The following ACTN2 variants were observed in gnomAD, a reference collection of about 807,000 sequenced individuals.
ACTN2 encodes the protein actinin alpha 2, also known as alpha-actinin-2.
A neutral mutation model predicts 113.8 loss-of-function variants in ACTN2; 39 were observed. The ratio of observed to expected loss-of-function variants is 0.34; its 90% confidence interval spans 0.27 to 0.45. The LOEUF (loss-of-function observed/expected upper bound fraction) is 0.45, where lower values mean the gene tolerates loss of function less well. Ranked by LOEUF, ACTN2 falls within the 20% of genes least tolerant of loss-of-function variation. ACTN2 has a pLI of 1.00. For synonymous variants in ACTN2, 429 were observed against 444.1 expected (o/e 0.97, Z 0.43); for missense variants, 992 against 1,177.9 (o/e 0.84, Z 2.31).
At chr1:236,721,421 G>A (rs1273238630) in intron 4 of ACTN2, among the ~76,000 whole-genome samples, 1 of 151,968 alleles carries the variant, frequency 6.6e-6, no homozygotes, top group African/African-American at 2.4e-5. Flanking sequence ...TTGCCCTTAT[G>A]GACCTTCAAA....
chr1:236,724,413 AT>A (rs1397094609), intron 4 of ACTN2, among the ~76,000 whole-genome samples: 2 of 152,256 alleles, frequency 1.3e-5, no homozygotes, highest in South Asian at 4.1e-4. Flanking sequence ...AGTGCAGGAG[AT>A]TTTTTGGGGA....
At chr1:236,715,291 A>G (rs1233762797) in intron 1 of ACTN2, among the ~76,000 whole-genome samples, 4 of 136,586 alleles carry the variant, frequency 2.9e-5, no homozygotes, top group Non-Finnish European at 4.6e-5. Flanking sequence ...ATCTCTCCTA[A>G]TCCTATCCCT....
chr1:236,739,375 A>C lies in ACTN2; in HGVS notation c.950A>C (p.Gln317Pro). The part of the protein sequence containing the change: ...RTPEKTMQAM[Q>P]KKLEDFRDYR... The stretch of plus-strand genomic sequence containing the variant: ...CCCGAGAAGACCATGCAAGCCATGC[A>C]GAAGAAGCTGGAGGACTTCCGGGAT... Residue 317 changes from glutamine to proline, a missense_variant, in exon 10 of 21, where the codon CAG becomes CCG. By Grantham distance (76) the Gln-to-Pro change is moderately conservative. Around this residue, in one of 3 missense-constraint regions of ACTN2, gnomAD observed 736 missense variants for 815.4 expected, o/e 0.90. Coordinates refer to ENST00000366578, the MANE Select transcript of ACTN2 (RefSeq NM_001103.4). The C allele has an allele frequency of 1.2e-6, 2 of 1,614,140 alleles. No individual in the cohort carries two copies. Among genetic ancestry groups the C allele is most frequent in the Non-Finnish European group, 1.7e-6 (2 of 1,180,032 alleles).
intron 4 of ACTN2, among the ~76,000 whole-genome samples, chr1:236,720,455 T>C (rs1374446821): frequency 6.6e-6 from 1 of 152,222 alleles, no homozygotes. Flanking sequence ...TTGAGCTTCT[T>C]GATTGCTTAT....
intron 1 of ACTN2, among the ~76,000 whole-genome samples, chr1:236,706,111 C>G (rs1200264224): frequency 2.0e-5 from 3 of 147,652 alleles, no homozygotes; most frequent in African/African-American, 7.5e-5. Context: ...AAGGTATTTT[C>G]TTTTTTTTTT....
At chr1:236,746,165 C>CAAAAAAAAAAAAAAAA (rs55953102) in intron 12 of ACTN2, among the ~76,000 whole-genome samples, 2 of 80,406 alleles carry the variant, frequency 2.5e-5, no homozygotes, top group Admixed American at 1.5e-4. Context: ...GACTCCATCT[C>CAAAAAAAAAAAAAAAA]AAAAAAAAAA....
At chr1:236,689,813 C>T (rs79542980) in intron 1 of ACTN2, among the ~76,000 whole-genome samples, 5,782 of 152,250 alleles carry the variant, frequency 0.038, 362 homozygotes, top group African/African-American at 0.13. Context: ...TAGAAGTAAA[C>T]ATCTCCTGGA....
rs869111839 is a variant in ACTN2, at chr1:236,707,681, CTTTCT to C, written c.127-10158_127-10154del. Among the ~76,000 whole-genome samples, 173 of 114,814 alleles carry C rather than the reference CTTTCT, an allele frequency of 1.5e-3. 1 individual carries two copies. Among genetic ancestry groups the C allele is most frequent in the African/African-American group, 4.4e-3 (155 of 35,342 alleles). The allele number at this position is 114,814 out of a possible 152,430, so 75.3% of individuals were successfully genotyped here. Reference sequence around the variant, plus strand: ...GTGCTTTTCTTTTCTTTTTTCTTTTCTTTCTTTTCTTTTCTTTTCTTTTTTTTCTT... The same window carrying C: ...GTGCTTTTCTTTTCTTTTTTCTTTTCTTTCTTTTCTTTTCTTTTTTTTCTT... On this transcript the variant is annotated intron_variant, in intron 1 of 20. Coordinates refer to ENST00000366578, the MANE Select transcript of ACTN2 (RefSeq NM_001103.4).
At chr1:236,686,858 C>T in intron 1 of ACTN2, 59 bp downstream of exon 1, 1 of 1,314,308 alleles carries the variant, frequency 7.6e-7, no homozygotes, top group Non-Finnish European at 9.7e-7. Flanking sequence ...CGCGGGGCTC[C>T]CGTGCGCGTG....
intron 15 of ACTN2, among the ~76,000 whole-genome samples, chr1:236,752,698 C>T (rs1028351011): frequency 6.6e-6 from 1 of 151,874 alleles, no homozygotes; most frequent in Non-Finnish European, 1.5e-5. Flanking sequence ...ATTACAGGTG[C>T]CCGCCACCAC....
In ACTN2 at chr1:236,686,627, C is replaced by A; in HGVS notation, c.-47C>A. The A allele has an allele frequency of 6.6e-7, 1 of 1,517,256 alleles. No homozygotes were observed. The highest frequency in any genetic ancestry group is 8.8e-7 in the Non-Finnish European group (1 of 1,131,356). The allele number at this position is 1,517,256 out of a possible 1,614,324, so 94.0% of individuals were successfully genotyped here. A position where few individuals can be genotyped will look rare whatever the true frequency, so the allele number is the denominator to read the frequency against. ...GGGTCCGTTTGCCAGTCAGCCCGTG[C>A]GTCCGAGCCCCTCGCGCCCCGCCGC... On this transcript the variant is annotated 5_prime_UTR_variant, in exon 1 of 21. Coordinates refer to ENST00000366578, the MANE Select transcript of ACTN2 (RefSeq NM_001103.4).
At chr1:236,715,491 A>G (rs965153413) in intron 1 of ACTN2, among the ~76,000 whole-genome samples, 4 of 152,064 alleles carry the variant, frequency 2.6e-5, no homozygotes, top group Non-Finnish European at 5.9e-5. Context: ...GATGATAGGA[A>G]TGTTGTATAT....
Position 236,686,862 on chromosome 1 carries a change from G to GCGCGTGGC in ACTN2, c.126+73_126+80dup, listed in dbSNP as rs1013608004. 1.1e-5 allele frequency: 14 copies of GCGCGTGGC among 1,307,438 alleles called. No homozygotes were observed. In the South Asian group the frequency reaches 1.7e-4, roughly 16 times the overall value. 81.0% of individuals were successfully genotyped at this position (1,307,438 alleles called of 1,614,324 possible). ...GCCGGGTCCCCCGCGGGGCTCCCGTGCGCGTGGCCGCGTGGCCTGGCGACT... is the reference window on the plus strand; with the variant it reads ...GCCGGGTCCCCCGCGGGGCTCCCGTGCGCGTGGCCGCGTGGCCGCGTGGCCTGGCGACT... On this transcript the variant is annotated intron_variant, in intron 1 of 20. Transcript: ENST00000366578.
At chr1:236,740,595 C>T (rs971576432) in intron 10 of ACTN2, among the ~76,000 whole-genome samples, 6 of 150,186 alleles carry the variant, frequency 4.0e-5, no homozygotes, top group Non-Finnish European at 8.9e-5. Context: ...TGCAGTGGCA[C>T]GATCTCGGCT....
chr1:236,699,564 T>C (rs1218537550), intron 1 of ACTN2, among the ~76,000 whole-genome samples: 1 of 152,104 alleles, frequency 6.6e-6, no homozygotes, highest in African/African-American at 2.4e-5. Context: ...CTGAGTCAAC[T>C]CCCTTTTGGA....
intron 1 of ACTN2, among the ~76,000 whole-genome samples, chr1:236,706,212 TTGAGCAGATACA>T (rs997239907): frequency 6.6e-6 from 1 of 152,146 alleles, no homozygotes; most frequent in Non-Finnish European, 1.5e-5. Flanking sequence ...AACCTGGAAC[TTGAGCAGATACA>T]CATTTTTAGC....
chr1:236,715,886 G>A (rs1302297315), intron 1 of ACTN2, among the ~76,000 whole-genome samples: 1 of 152,188 alleles, frequency 6.6e-6, no homozygotes, highest in Non-Finnish European at 1.5e-5. Context: ...AACTCGGGAG[G>A]CGGAGATTGC....
intron 1 of ACTN2, among the ~76,000 whole-genome samples, chr1:236,715,345 A>G (rs1389084483): frequency 7.6e-6 from 1 of 130,916 alleles, no homozygotes; most frequent in African/African-American, 2.9e-5. Flanking sequence ...TTTATACCAA[A>G]GAAACCTATT....
Position 236,727,472 on chromosome 1 carries a change from A to G in ACTN2, c.537-206A>G, listed in dbSNP as rs192704409. On this transcript the variant is annotated intron_variant, in intron 5 of 20. Coordinates refer to ENST00000366578, the MANE Select transcript of ACTN2 (RefSeq NM_001103.4). Reference sequence around the variant, plus strand: ...GCAGGAGACAGGGCAAGTCTCAGGCAAGGAAGTCAAAAGGAGAGGAGTACC... The same window carrying G: ...GCAGGAGACAGGGCAAGTCTCAGGCGAGGAAGTCAAAAGGAGAGGAGTACC... Among the ~76,000 whole-genome samples, 3 of 152,204 alleles carry G rather than the reference A, an allele frequency of 2.0e-5. No homozygotes were observed. In the East Asian group the frequency reaches 5.8e-4, roughly 29 times the overall value.
Sources: allele counts gnomAD v4.1 joint callset (sites outside exome capture counted in the v4.1 genomes callset), GRCh38; gene constraint gnomAD v4.1.1; regional missense constraint gnomAD v4.1.1; transcripts MANE v1.5; gene names NCBI Gene and HGNC (gene_info 2026-07-23, HGNC 2026-07-21).